ATP6V1H: variants seen among roughly 807,000 people sequenced by gnomAD.
ATP6V1H encodes ATPase H+ transporting V1 subunit H.
Under a neutral mutation model 71.7 loss-of-function variants are expected in ATP6V1H, and 39 were observed. The observed-to-expected ratio is 0.54, with a 90% CI of 0.42 to 0.71. The LOEUF is 0.71. ATP6V1H is among the 30% of genes least tolerant of loss of function. The probability of loss-of-function intolerance (pLI) is 0.00; values close to 1 mark genes in which losing one functional copy is unlikely to be tolerated. For missense variants in ATP6V1H, 509 were observed against 594.9 expected (o/e 0.86, Z 1.50); for synonymous variants, 192 against 199.3 (o/e 0.96, Z 0.31).
rs1810928197 is a variant in ATP6V1H, at chr8:53,829,430, A to G, written c.306+14T>C. On this transcript the variant is annotated intron_variant, in intron 4 of 13. Transcript: ENST00000359530. ...ATGAAGTCACCAAATGTGTTAAGTA[A>G]AGAATATACCTACCTGCAGCATATC... The G allele has an allele frequency of 6.3e-7, 1 of 1,579,876 alleles. No homozygotes were observed. The highest frequency in any genetic ancestry group is 8.7e-7 in the Non-Finnish European group (1 of 1,155,278).
chr8:53,822,645 T>C (rs920651955), intron 4 of ATP6V1H, among the ~76,000 whole-genome samples: 5 of 152,070 alleles, frequency 3.3e-5, no homozygotes, highest in Non-Finnish European at 7.4e-5. Context: ...AGTATGACAG[T>C]TGAGATCAAA....
intron 4 of ATP6V1H, among the ~76,000 whole-genome samples, chr8:53,819,575 T>C (rs1296873921): frequency 7.9e-6 from 1 of 125,892 alleles, no homozygotes; most frequent in Non-Finnish European, 1.7e-5. Context: ...TATATATATA[T>C]ATATATATAT....
intron 2 of ATP6V1H, among the ~76,000 whole-genome samples, chr8:53,833,957 A>T (rs1280429682): frequency 6.6e-6 from 1 of 152,182 alleles, no homozygotes; most frequent in African/African-American, 2.4e-5. Flanking sequence ...GAAGAAACAC[A>T]GCTCAACCTT....
intron 13 of ATP6V1H, among the ~76,000 whole-genome samples, chr8:53,722,451 C>G (rs1290040198): frequency 6.6e-6 from 1 of 152,158 alleles, no homozygotes; most frequent in Non-Finnish European, 1.5e-5. Flanking sequence ...GGAGAAATGC[C>G]TGTGCAGTTA....
chr8:53,779,582 T>C (rs2130354419), intron 9 of ATP6V1H, among the ~76,000 whole-genome samples: 1 of 151,616 alleles, frequency 6.6e-6, no homozygotes, highest in East Asian at 1.9e-4. Context: ...TTCTACAAAC[T>C]ATTCTGTTTC....
intron 13 of ATP6V1H, among the ~76,000 whole-genome samples, chr8:53,731,835 G>A (rs1025080005): frequency 7.2e-5 from 11 of 152,254 alleles, no homozygotes; most frequent in African/African-American, 2.7e-4. Flanking sequence ...GCATCCCTGG[G>A]GGGGACTCCA....
chr8:53,825,937 A>C (rs1367804400), intron 4 of ATP6V1H, among the ~76,000 whole-genome samples: 1 of 152,146 alleles, frequency 6.6e-6, no homozygotes, highest in Non-Finnish European at 1.5e-5. Flanking sequence ...TTACCCTGTG[A>C]AAAATGTTAT....
chr8:53,756,620 G>C lies in ATP6V1H; in HGVS notation c.1212C>G (p.Pro404=), dbSNP rs1808076588. The C allele has an allele frequency of 1.2e-6, 2 of 1,613,778 alleles. No individual in the cohort carries two copies. Among genetic ancestry groups the C allele is most frequent in the African/African-American group, 2.7e-5 (2 of 74,878 alleles). Residue 404 remains proline, a synonymous_variant, in exon 12 of 14, where the codon CCC becomes CCG. Transcript: ENST00000359530. ...CGTGAGCAGCAACAGCTAAGACTTG[G>C]GGATCATCTGACACTTCCAAAAGTT... ...LTKLLEVSDD[P]QVLAVAAHDV... is the part of the protein sequence containing the mutation.
rs1810264088 is a variant in ATP6V1H at position 53,811,219 on chromosome 8, T to G, written c.526-2A>C. The G allele has an allele frequency of 1.2e-6, 2 of 1,612,370 alleles. No individual in the cohort carries two copies. The highest frequency in any genetic ancestry group is 3.3e-5 in the Admixed American group (2 of 59,978). ...AGCAACACCGCTACCACGCAGTTTC[T>G]ATTACGAAATAAATAACTCATTATT... On this transcript the variant is annotated splice_acceptor_variant, in intron 6 of 13. Transcript: ENST00000359530. LOFTEE classifies it high-confidence loss of function.
chr8:53,831,215 G>A (rs1414476331), intron 3 of ATP6V1H, among the ~76,000 whole-genome samples: 1 of 152,202 alleles, frequency 6.6e-6, no homozygotes, highest in East Asian at 1.9e-4. Context: ...TCCTTGTTGT[G>A]TGAACATCCT....
chr8:53,769,524 A>C (rs910049287), intron 11 of ATP6V1H, 94 bp downstream of exon 11: 2 of 1,275,424 alleles, frequency 1.6e-6, no homozygotes, highest in Non-Finnish European at 2.1e-6. Context: ...AATTAAAACC[A>C]TAGAATATCT....
rs1171774238 is a variant in ATP6V1H, at chr8:53,751,721, G to A, written c.1277+4834C>T. ...GTCTCGCTGTGTCACCCAGATTAGAGTACAGTCGCGCAGCCTAGGCTCACT... is the reference window on the plus strand; with the variant it reads ...GTCTCGCTGTGTCACCCAGATTAGAATACAGTCGCGCAGCCTAGGCTCACT... On this transcript the variant is annotated intron_variant, in intron 12 of 13. Coordinates refer to ENST00000359530, the MANE Select transcript of ATP6V1H (RefSeq NM_015941.4). Among the ~76,000 whole-genome samples, 5 of 151,090 alleles carry A rather than the reference G, an allele frequency of 3.3e-5. No individual in the cohort carries two copies. In the South Asian group the frequency reaches 8.3e-4, roughly 25 times the overall value.
intron 2 of ATP6V1H, among the ~76,000 whole-genome samples, chr8:53,839,254 G>A (rs1811270537): frequency 6.6e-6 from 1 of 152,150 alleles, no homozygotes; most frequent in Admixed American, 6.5e-5. Flanking sequence ...ATTCTATGTA[G>A]GCTATAAACA....
chr8:53,740,117 A>G (rs1465125115), intron 13 of ATP6V1H, among the ~76,000 whole-genome samples: 2 of 152,224 alleles, frequency 1.3e-5, no homozygotes, highest in African/African-American at 4.8e-5. Flanking sequence ...TATGATATAA[A>G]CTCAAATGTA....
intron 11 of ATP6V1H, among the ~76,000 whole-genome samples, chr8:53,766,756 T>C (rs1563456514): frequency 1.3e-5 from 2 of 152,298 alleles, no homozygotes; most frequent in East Asian, 3.9e-4. Context: ...CCCAGGCTTA[T>C]TAGGAAGAGG....
At chr8:53,792,152 CAG>C (rs879788394) in intron 9 of ATP6V1H, among the ~76,000 whole-genome samples, 1 of 152,144 alleles carries the variant, frequency 6.6e-6, no homozygotes, top group South Asian at 2.1e-4. Context: ...CTCATGTGGA[CAG>C]AGTGTGCAGG....
intron 3 of ATP6V1H, 64 bp downstream of exon 3, chr8:53,832,920 T>TA: frequency 8.8e-7 from 1 of 1,132,130 alleles, no homozygotes. Context: ...TTATAATCAC[T>TA]AAGATTTTTC....
intron 13 of ATP6V1H, among the ~76,000 whole-genome samples, chr8:53,731,017 T>C (rs918102307): frequency 1.3e-5 from 2 of 152,192 alleles, no homozygotes; most frequent in African/African-American, 4.8e-5. Context: ...GTGACTGTAA[T>C]CTTATTAAGC....
chr8:53,735,790 T>C (rs1177243479), intron 13 of ATP6V1H, among the ~76,000 whole-genome samples: 1 of 152,162 alleles, frequency 6.6e-6, no homozygotes. Context: ...AAAATCTAAT[T>C]TCTCTAGGAT....
Sources: gnomAD v4.1 joint callset for allele counts (sites outside exome capture counted in the v4.1 genomes callset) on GRCh38, gnomAD v4.1.1 for gene constraint, MANE v1.5 for transcripts, NCBI Gene and HGNC (gene_info 2026-07-23, HGNC 2026-07-21) for gene names.